The following VPS45 variants were observed in gnomAD, a reference collection of about 807,000 sequenced individuals.
VPS45 encodes vacuolar protein sorting-associated protein 45.
Under a neutral mutation model 75.9 loss-of-function variants are expected in VPS45, and 35 were observed. The ratio of observed to expected loss-of-function variants is 0.46; its 90% CI spans 0.35 to 0.61. VPS45 has a LOEUF of 0.61. Ranked by LOEUF, VPS45 falls within the 20% of genes least tolerant of loss-of-function variation. The pLI, the probability that VPS45 is intolerant of heterozygous loss-of-function variation, is 0.00. For missense variants in VPS45, 559 were observed against 685.9 expected (o/e 0.81, Z 2.07); for synonymous variants, 220 against 238.2 (o/e 0.92, Z 0.70).
At chr1:150,124,837 G>T (rs1553810401) in intron 14 of VPS45, among the ~76,000 whole-genome samples, 1 of 151,682 alleles carries the variant, frequency 6.6e-6, no homozygotes, top group Non-Finnish European at 1.5e-5. Context: ...GGGATTATAG[G>T]CATAAGCCAC....
At chr1:150,070,562 G>A (rs587663687) in intron 2 of VPS45, among the ~76,000 whole-genome samples, 81 of 151,776 alleles carry the variant, frequency 5.3e-4, no homozygotes, top group African/African-American at 1.9e-3. Context: ...GGAGGCCAAG[G>A]CAGGCGGATC....
Position 150,120,166 on chromosome 1 carries a change from A to G in VPS45, c.1625+9539A>G, listed in dbSNP as rs587776180. On this transcript the variant is annotated intron_variant, in intron 14 of 14. Coordinates refer to ENST00000644510, the MANE Select transcript of VPS45 (RefSeq NM_007259.5). ...GATTTATTCTGCATGCAAATTTCAG[A>G]ACTACCACTTACTAGTTTTTTTATT... is the stretch of plus-strand genomic sequence containing the variant. 5.1e-4 allele frequency among the ~76,000 whole-genome samples: 77 copies of G among 152,306 alleles called. 1 individual carries two copies. In the South Asian group the frequency reaches 7.1e-3, roughly 14 times the overall value.
intron 14 of VPS45, among the ~76,000 whole-genome samples, chr1:150,129,854 A>ATT (rs781860953): frequency 0.023 from 3,158 of 137,952 alleles, 95 homozygotes; most frequent in African/African-American, 0.074. Context: ...CGCCTGGCCA[A>ATT]TTTTTTTTTT....
At chr1:150,101,942 T>A (rs912389050) in intron 13 of VPS45, among the ~76,000 whole-genome samples, 1 of 151,340 alleles carries the variant, frequency 6.6e-6, no homozygotes, top group African/African-American at 2.4e-5. Flanking sequence ...CATTCTACCA[T>A]AAAAACACAT....
chr1:150,112,098 CT>C (rs1182584765), intron 14 of VPS45, among the ~76,000 whole-genome samples: 1 of 152,060 alleles, frequency 6.6e-6, no homozygotes, highest in African/African-American at 2.4e-5. Flanking sequence ...TTATATATTT[CT>C]TTTGTGAATT....
chr1:150,095,614 C>CAA (rs782156604), intron 13 of VPS45, among the ~76,000 whole-genome samples: 1,521 of 144,394 alleles, frequency 0.011, 11 homozygotes, highest in Middle Eastern at 0.047. Context: ...GACCCCATCT[C>CAA]AAAAAAAAAA....
chr1:150,093,126 G>A (rs1260019750), intron 12 of VPS45, among the ~76,000 whole-genome samples: 3 of 152,138 alleles, frequency 2.0e-5, no homozygotes, highest in East Asian at 1.9e-4. Flanking sequence ...GATTACAGGC[G>A]TGAGCCACCG....
chr1:150,123,561 A>G (rs1379915066), intron 14 of VPS45, among the ~76,000 whole-genome samples: 1 of 152,228 alleles, frequency 6.6e-6, no homozygotes, highest in Non-Finnish European at 1.5e-5. Flanking sequence ...TCTGAAGCAC[A>G]TGATCCTACC....
At chr1:150,137,002 G>A (rs970324200) in intron 14 of VPS45, among the ~76,000 whole-genome samples, 24 of 152,148 alleles carry the variant, frequency 1.6e-4, no homozygotes, top group Admixed American at 1.2e-3. Flanking sequence ...AGGTTCAAGC[G>A]ATTCTCCAGC....
At chr1:150,102,833 A>G (rs72694914) in intron 13 of VPS45, among the ~76,000 whole-genome samples, 16,082 of 152,252 alleles carry the variant, frequency 0.11, 1,192 homozygotes, top group Non-Finnish European at 0.16. Context: ...ACTCAGGAAC[A>G]CAGAAGGAAA....
At chr1:150,113,083 A>C (rs1657734629) in intron 14 of VPS45, among the ~76,000 whole-genome samples, 1 of 152,156 alleles carries the variant, frequency 6.6e-6, no homozygotes, top group South Asian at 2.1e-4. Flanking sequence ...GCCCCTGGTG[A>C]TTGATTCAGG....
At chr1:150,075,699 A>T (rs1348147377) in intron 3 of VPS45, among the ~76,000 whole-genome samples, 2 of 152,140 alleles carry the variant, frequency 1.3e-5, no homozygotes. Context: ...ACAGCATGAA[A>T]GTTTACTTCT....
At chr1:150,097,837 C>T (rs1656759538) in intron 13 of VPS45, among the ~76,000 whole-genome samples, 1 of 151,856 alleles carries the variant, frequency 6.6e-6, no homozygotes, top group South Asian at 2.1e-4. Flanking sequence ...TGTATAAATA[C>T]AGTAACTCTT....
In VPS45 at chr1:150,081,443, C is replaced by T. The variant is rs1553799343; in HGVS notation, c.789C>T (p.Val263=). Residue 263 remains valine, a synonymous_variant, in exon 8 of 15, where the codon GTC becomes GTT. Coordinates refer to ENST00000644510, the MANE Select transcript of VPS45 (RefSeq NM_007259.5). ...PGISKDLREV[V]LSAENDEFYA... Reference sequence around the variant, plus strand: ...TCAGTAAAGACTTAAGAGAAGTGGTCCTATCTGCTGAAAATGATGAATTCT... The same window carrying T: ...TCAGTAAAGACTTAAGAGAAGTGGTTCTATCTGCTGAAAATGATGAATTCT... The T allele has an allele frequency of 1.9e-6, 3 of 1,599,354 alleles. No homozygotes were observed. The highest frequency in any genetic ancestry group is 2.3e-5 in the South Asian group (2 of 87,630).
At chr1:150,087,007 C>T (rs1656054739) in intron 10 of VPS45, among the ~76,000 whole-genome samples, 1 of 150,378 alleles carries the variant, frequency 6.6e-6, no homozygotes, top group African/African-American at 2.4e-5. Flanking sequence ...ATTACCAAGA[C>T]CAACTGTAAT....
intron 13 of VPS45, among the ~76,000 whole-genome samples, chr1:150,096,166 T>C (rs1656639700): frequency 6.6e-6 from 1 of 152,174 alleles, no homozygotes; most frequent in African/African-American, 2.4e-5. Context: ...CAAGTAGAAA[T>C]GTCACATATT....
At chr1:150,068,001 A>G (rs1434464200) in intron 1 of VPS45, 51 bp downstream of exon 1, 14 of 1,536,840 alleles carry the variant, frequency 9.1e-6, no homozygotes, top group East Asian at 2.2e-5. Context: ...CAACCTTACA[A>G]TTGCTCGTCC....
intron 14 of VPS45, among the ~76,000 whole-genome samples, chr1:150,123,742 C>T (rs782208187): frequency 6.6e-6 from 1 of 152,084 alleles, no homozygotes; most frequent in Non-Finnish European, 1.5e-5. Context: ...GAATTGTTAT[C>T]GTAATAGGCA....
At chr1:150,143,879 C>T (rs1437180783) in intron 14 of VPS45, among the ~76,000 whole-genome samples, 2 of 152,044 alleles carry the variant, frequency 1.3e-5, no homozygotes, top group African/African-American at 4.8e-5. Context: ...TTTGTTTCTT[C>T]GTTTTTTAAA....
Sources: allele counts gnomAD v4.1 joint callset (sites outside exome capture counted in the v4.1 genomes callset), GRCh38; gene constraint gnomAD v4.1.1; transcripts MANE v1.5; gene names NCBI Gene and HGNC (gene_info 2026-07-23, HGNC 2026-07-21).